Variants in DUSP22 observed in about 807,000 individuals in gnomAD.
The protein encoded by DUSP22 is dual specificity protein phosphatase 22.
Under a neutral mutation model 24.5 loss-of-function variants are expected in DUSP22, and 24 were observed. The ratio of observed to expected loss-of-function variants is 0.98; its 90% CI spans 0.71 to 1.38. The LOEUF is 1.38. Ranked by LOEUF, DUSP22 falls within the 40% of genes most tolerant of loss-of-function variation. The pLI is 0.00. For synonymous variants in DUSP22, 160 were observed against 106.4 expected (o/e 1.50, Z -3.10); for missense variants, 330 against 269.2 (o/e 1.23, Z -1.58).
At chr6:336,465 G>A (rs879457043) in intron 4 of DUSP22, among the ~76,000 whole-genome samples, 5 of 152,422 alleles carry the variant, frequency 3.3e-5, no homozygotes, top group African/African-American at 9.6e-5. Flanking sequence ...GTTATTGAAC[G>A]CTGGCCATCA....
intron 3 of DUSP22, among the ~76,000 whole-genome samples, chr6:315,125 G>T (rs1414015388): frequency 6.6e-6 from 1 of 152,302 alleles, no homozygotes; most frequent in East Asian, 1.9e-4. Flanking sequence ...AGGGAAAAAG[G>T]CCTATGTCTC....
intron 1 of DUSP22, among the ~76,000 whole-genome samples, chr6:294,912 G>T (rs1297761230): frequency 6.6e-6 from 1 of 152,286 alleles, no homozygotes; most frequent in African/African-American, 2.4e-5. Context: ...TTCAGCCCAG[G>T]CAAGGAATCC....
intron 1 of DUSP22, among the ~76,000 whole-genome samples, chr6:300,804 G>A (rs1287359436): frequency 6.6e-6 from 1 of 152,306 alleles, no homozygotes; most frequent in African/African-American, 2.4e-5. Context: ...TTGGCTGTAA[G>A]CAACAGCATC....
intron 4 of DUSP22, among the ~76,000 whole-genome samples, chr6:337,665 T>G (rs1759417932): frequency 6.6e-6 from 1 of 152,302 alleles, no homozygotes; most frequent in Non-Finnish European, 1.5e-5. Context: ...GCAGGTGCAA[T>G]TTTGTTACAT....
chr6:293,836 G>T, intron 1 of DUSP22, among the ~76,000 whole-genome samples: 1 of 115,722 alleles, frequency 8.6e-6, no homozygotes. Context: ...GATCAAGTTT[G>T]GAAACAGACT....
At position 348,937 on chromosome 6, in the gene DUSP22, A is replaced by G. The variant is rs1289482026; in HGVS notation, c.604A>G (p.Thr202Ala). The G allele has an allele frequency of 1.2e-6, 2 of 1,602,896 alleles. No homozygotes were observed. The highest frequency in any genetic ancestry group is 1.1e-5 in the South Asian group (1 of 90,172). Reference protein sequence around the residue: ...ALAPLTYDNYTTET With the variant: ...ALAPLTYDNYATET ...GGCTCCGCTGACCTACGATAATTAT[A>G]CGACGGAGACCTAACGCAAGCGACC... The change falls in exon 7 of 7, where the codon ACG (threonine) becomes GCG (alanine). Residue 202 changes from threonine (T) to alanine (A), a missense_variant. Transcript: ENST00000419235.
intron 3 of DUSP22, among the ~76,000 whole-genome samples, chr6:330,444 C>T (rs1260944384): frequency 1.3e-5 from 2 of 152,306 alleles, no homozygotes; most frequent in African/African-American, 4.8e-5. Flanking sequence ...CTTACAACGC[C>T]TCAGAAAGAA....
At chr6:347,515 G>A (rs149420515) in intron 5 of DUSP22, among the ~76,000 whole-genome samples, 51 of 152,394 alleles carry the variant, frequency 3.3e-4, no homozygotes, top group Admixed American at 2.0e-3. Flanking sequence ...GACCCTAACC[G>A]TTACTGCCTG....
At chr6:308,085 C>T (rs1226409198) in intron 2 of DUSP22, among the ~76,000 whole-genome samples, 1 of 151,034 alleles carries the variant, frequency 6.6e-6, no homozygotes, top group African/African-American at 2.5e-5. Context: ...CTCCAGGGCT[C>T]AGTGTTAGGG....
intron 4 of DUSP22, among the ~76,000 whole-genome samples, chr6:343,687 G>GTGTGCATGTTTGCGTGTGCATGTTTGCA (rs1554102516): frequency 2.0e-4 from 31 of 151,424 alleles, no homozygotes; most frequent in African/African-American, 5.6e-4. Context: ...GCATGTTTGC[G>GTGTGCATGTTTGCGTGTGCATGTTTGCA]TGTGCATGTT....
intron 1 of DUSP22, among the ~76,000 whole-genome samples, chr6:299,125 A>C (rs1416565693): frequency 6.6e-6 from 1 of 152,302 alleles, no homozygotes; most frequent in Non-Finnish European, 1.5e-5. Flanking sequence ...ATAGTGGGAC[A>C]TTCCCAAGTT....
intron 1 of DUSP22, among the ~76,000 whole-genome samples, chr6:295,001 G>A (rs1483842587): frequency 1.3e-5 from 2 of 152,380 alleles, no homozygotes; most frequent in East Asian, 1.9e-4. Flanking sequence ...AAAGTAGATC[G>A]CAGGAGGCCA....
chr6:294,360 G>GA (rs5873737), intron 1 of DUSP22, among the ~76,000 whole-genome samples: 131,364 of 152,222 alleles, frequency 0.86, 55,559 homozygotes, highest in Non-Finnish European at 0.95. Context: ...GGTGGGGAGG[G>GA]GGCAAAGGGA....
intron 3 of DUSP22, among the ~76,000 whole-genome samples, chr6:330,066 G>A (rs149787714): frequency 2.4e-3 from 370 of 152,250 alleles, no homozygotes; most frequent in African/African-American, 8.3e-3. Flanking sequence ...GGCCGGTGAA[G>A]CAGGGCACCC....
chr6:350,612 G>A lies in DUSP22; in HGVS notation c.*1661G>A. ...TACACCCGGAAAGGGGAGTGTGGCT[G>A]TAGAATCATCCATCCGTCTACAGCT... On this transcript the variant is annotated 3_prime_UTR_variant, in exon 7 of 7. Coordinates refer to ENST00000419235, the MANE Select transcript of DUSP22 (RefSeq NM_001286555.3). 6.9e-7 allele frequency: 1 copy of A among 1,445,592 alleles called. No homozygotes were observed. Among genetic ancestry groups the A allele is most frequent in the East Asian group, 2.6e-5 (1 of 38,864 alleles). 89.5% of individuals were successfully genotyped at this position (1,445,592 alleles called of 1,614,324 possible). A position where few individuals can be genotyped will look rare whatever the true frequency, so the allele number is the denominator to read the frequency against.
chr6:304,620 T>C lies in DUSP22; in HGVS notation c.22-8T>C, dbSNP rs755084477. The stretch of plus-strand genomic sequence containing the variant: ...CCATGCTCATGTCTGTGTCTGTCTC[T>C]CTCCTAGATCCTGCCCGGCCTGTAC... On this transcript the variant is annotated splice_polypyrimidine_tract_variant and splice_region_variant and intron_variant, in intron 1 of 6. Transcript: ENST00000419235. The C allele has an allele frequency of 1.2e-5, 19 of 1,614,256 alleles. No individual in the cohort carries two copies. In the South Asian group the frequency reaches 2.1e-4, roughly 18 times the overall value.
At chr6:296,374 A>C (rs970406210) in intron 1 of DUSP22, among the ~76,000 whole-genome samples, 34 of 152,404 alleles carry the variant, frequency 2.2e-4, no homozygotes, top group Non-Finnish European at 4.7e-4. Flanking sequence ...AGGCTAAGGG[A>C]ACTGCCAGGG....
At chr6:346,429 G>GACAC (rs10642379) in intron 5 of DUSP22, among the ~76,000 whole-genome samples, 6,512 of 150,946 alleles carry the variant, frequency 0.043, 15 homozygotes, top group African/African-American at 0.083. Context: ...ATTTTGTGTA[G>GACAC]ACACACACAC....
intron 3 of DUSP22, 60 bp downstream of exon 3, chr6:312,022 A>G: frequency 1.9e-6 from 3 of 1,556,918 alleles, no homozygotes; most frequent in African/African-American, 1.4e-5. Context: ...GGGAGTACCT[A>G]CGACGTTAAT....
Sources: allele counts gnomAD v4.1 joint callset (sites outside exome capture counted in the v4.1 genomes callset), GRCh38; gene constraint gnomAD v4.1.1; transcripts MANE v1.5; gene names NCBI Gene and HGNC (gene_info 2026-07-23, HGNC 2026-07-21).